Variants in MPDZ observed in about 807,000 individuals in gnomAD.
The protein encoded by MPDZ is multiple PDZ domain protein.
Under a neutral mutation model 239.1 loss-of-function variants are expected in MPDZ, and 234 were observed. The observed-to-expected ratio is 0.98, with a 90% CI of 0.88 to 1.09. The LOEUF (loss-of-function observed/expected upper bound fraction) is 1.09. MPDZ is among the 50% of genes least tolerant of loss of function. The pLI is 0.00. For synonymous variants in MPDZ, 1,048 were observed against 881.3 expected (o/e 1.19, Z -3.35); for missense variants, 3,175 against 2,510.0 (o/e 1.26, Z -5.66).
At chr9:13,256,103 T>C (rs1290730062) in intron 1 of MPDZ, among the ~76,000 whole-genome samples, 1 of 152,262 alleles carries the variant, frequency 6.6e-6, no homozygotes, top group African/African-American at 2.4e-5. Flanking sequence ...TGCACTTTTA[T>C]GTCATACAGA....
At chr9:13,131,960 T>C (rs1443329259) in intron 32 of MPDZ, among the ~76,000 whole-genome samples, 2 of 152,184 alleles carry the variant, frequency 1.3e-5, no homozygotes, top group Non-Finnish European at 2.9e-5. Flanking sequence ...AATTGCCTCT[T>C]CTGTCTAGCT....
At chr9:13,212,530 C>T (rs1192300253) in intron 10 of MPDZ, among the ~76,000 whole-genome samples, 4 of 151,706 alleles carry the variant, frequency 2.6e-5, no homozygotes, top group African/African-American at 7.3e-5. Flanking sequence ...GCCAAAGTCA[C>T]GAAGCCTAAG....
chr9:13,272,150 A>T (rs1015520837), intron 1 of MPDZ, among the ~76,000 whole-genome samples: 2 of 152,110 alleles, frequency 1.3e-5, no homozygotes, highest in Non-Finnish European at 2.9e-5. Context: ...GACTTATACC[A>T]CAATAAAACA....
intron 32 of MPDZ, among the ~76,000 whole-genome samples, chr9:13,129,357 G>A (rs1424399835): frequency 6.6e-6 from 1 of 151,494 alleles, no homozygotes; most frequent in Admixed American, 6.6e-5. Context: ...CAGCTACTCG[G>A]GAGGCTGATG....
At position 13,106,973 on chromosome 9, in the gene MPDZ, G is replaced by A. The variant is rs762562059; in HGVS notation, c.6205C>T (p.Leu2069Phe). The A allele has an allele frequency of 6.9e-5, 112 of 1,613,428 alleles. No homozygotes were observed. Among genetic ancestry groups the A allele is most frequent in the Admixed American group, 1.7e-5 (1 of 59,986 alleles). The change falls in exon 47 of 47, where the codon CTC (leucine) becomes TTC (phenylalanine). Residue 2069 changes from leucine to phenylalanine, a missense_variant. Leu to Phe is a conservative substitution (Grantham distance 22). Coordinates refer to ENST00000319217, the MANE Select transcript of MPDZ (RefSeq NM_001378778.1). ...RTKGTVTLMV[L>F]S Reference sequence around the variant, plus strand: ...CAATTCTGGCAGCCAATTCAAGAGAGAACCATCAAAGTGACAGTGCCTTTT... The same window carrying A: ...CAATTCTGGCAGCCAATTCAAGAGAAAACCATCAAAGTGACAGTGCCTTTT...
Position 13,107,002 on chromosome 9 carries a change from C to T in MPDZ, c.6176G>A (p.Arg2059Gln), listed in dbSNP as rs193280665. Residue 2059 changes from arginine (R) to glutamine (Q), a missense_variant, in exon 47 of 47, where the codon CGG becomes CAG. Coordinates refer to ENST00000319217, the MANE Select transcript of MPDZ (RefSeq NM_001378778.1). The part of the protein sequence containing the change: ...THEEAVAILK[R>Q]TKGTVTLMVL... The stretch of plus-strand genomic sequence containing the variant: ...CATCAAAGTGACAGTGCCTTTTGTC[C>T]GTTTAAGGATGGCAACAGCTTCTTC... The T allele has an allele frequency of 8.6e-4, 1,387 of 1,613,532 alleles. 8 individuals are homozygous for T. The African/African-American group carries it at 0.016, about 19-fold the overall frequency.
Position 13,224,484 on chromosome 9 carries a change from AT to A in MPDZ, c.282del (p.Leu94PhefsTer42). 1 of 1,612,942 alleles carries A rather than the reference AT, an allele frequency of 6.2e-7. No homozygotes were observed. The highest frequency in any genetic ancestry group is 8.5e-7 in the Non-Finnish European group (1 of 1,179,254). On this transcript the variant is annotated frameshift_variant, in exon 4 of 47. Coordinates refer to ENST00000319217, the MANE Select transcript of MPDZ (RefSeq NM_001378778.1). LOFTEE classifies it high-confidence loss of function. ...VIPTLQNESF[L>X]LSPNNGNLEA... ...TCCAGATTCCCATTGTTTGGGGATA[AT>A]AAAAACGATTCATTTTGCAGAGTAG...
chr9:13,247,113 T>C (rs1966740892), intron 3 of MPDZ, among the ~76,000 whole-genome samples: 1 of 152,184 alleles, frequency 6.6e-6, no homozygotes, highest in South Asian at 2.1e-4. Flanking sequence ...TGGAAGCAAT[T>C]GCTACTTACA....
chr9:13,128,566 A>G (rs1945453887), intron 32 of MPDZ, among the ~76,000 whole-genome samples: 1 of 152,236 alleles, frequency 6.6e-6, no homozygotes. Flanking sequence ...CTGTGAGACC[A>G]TAAATGCCTG....
chr9:13,227,559 A>G (rs1961028318), intron 3 of MPDZ, among the ~76,000 whole-genome samples: 1 of 152,170 alleles, frequency 6.6e-6, no homozygotes, highest in Non-Finnish European at 1.5e-5. Context: ...ATGGTAAGCC[A>G]GAATGAACAA....
Position 13,205,999 on chromosome 9 carries a change from A to C in MPDZ, c.1391T>G (p.Met464Arg), listed in dbSNP as rs938325447. 2 of 1,612,308 alleles carry C rather than the reference A, an allele frequency of 1.2e-6. No homozygotes were observed. The highest frequency in any genetic ancestry group is 1.7e-6 in the Non-Finnish European group (2 of 1,179,380). The change falls in exon 11 of 47, where the codon ATG becomes AGG. Residue 464 changes from methionine to arginine, a missense_variant. Transcript: ENST00000319217. ...TGACATGAGCTCGGCTTCCTGCTTC[A>C]TTCCTCTCCTCATTAGTGTCAGGAG... ...TVLLTLMRRG[M>R]KQEAELMSRE... is the part of the protein sequence containing the mutation.
intron 10 of MPDZ, among the ~76,000 whole-genome samples, chr9:13,207,224 A>G (rs909994655): frequency 1.3e-5 from 2 of 152,196 alleles, no homozygotes; most frequent in African/African-American, 4.8e-5. Flanking sequence ...ATGACAAAAC[A>G]TTCAAAAATG....
At chr9:13,254,692 C>T (rs1968990742) in intron 1 of MPDZ, among the ~76,000 whole-genome samples, 1 of 152,118 alleles carries the variant, frequency 6.6e-6, no homozygotes, top group Admixed American at 6.5e-5. Context: ...TCAGTGCGTA[C>T]AAAAGTCATG....
chr9:13,231,326 G>C lies in MPDZ; in HGVS notation c.184-6743C>G, dbSNP rs1478249195. Among the ~76,000 whole-genome samples, 3 of 152,218 alleles carry C rather than the reference G, an allele frequency of 2.0e-5. No individual in the cohort carries two copies. In the East Asian group the frequency reaches 5.8e-4, roughly 29 times the overall value. On this transcript the variant is annotated intron_variant, in intron 3 of 46. Transcript: ENST00000319217. ...CACACCTGTAATCCCAGCACTTTGG[G>C]AGGCCGAGGTGGGTGGACTACTTGA... is the stretch of plus-strand genomic sequence containing the variant.
At chr9:13,199,352 T>G (rs959576474) in intron 12 of MPDZ, among the ~76,000 whole-genome samples, 1 of 152,126 alleles carries the variant, frequency 6.6e-6, no homozygotes, top group African/African-American at 2.4e-5. Context: ...ATGTTGAGTA[T>G]GTATCCTGCA....
chr9:13,206,185 T>G, intron 10 of MPDZ, 86 bp from the exon 11 acceptor site: 1 of 1,249,488 alleles, frequency 8.0e-7, no homozygotes, highest in South Asian at 1.5e-5. Flanking sequence ...TATGTATAGT[T>G]GTTAGTGTGA....
intron 24 of MPDZ, among the ~76,000 whole-genome samples, chr9:13,151,169 CAAG>C (rs1237803834): frequency 6.6e-6 from 1 of 151,846 alleles, no homozygotes; most frequent in Non-Finnish European, 1.5e-5. Context: ...CACAAATTAA[CAAG>C]AATGCAGAGC....
At chr9:13,218,499 G>C (rs1030436112) in intron 8 of MPDZ, among the ~76,000 whole-genome samples, 1 of 151,804 alleles carries the variant, frequency 6.6e-6, no homozygotes, top group Non-Finnish European at 1.5e-5. Context: ...TACCATAAAA[G>C]AATGCCATTT....
At chr9:13,205,857 T>A in intron 11 of MPDZ, 59 bp downstream of exon 11, 2 of 1,421,008 alleles carry the variant, frequency 1.4e-6, no homozygotes, top group Admixed American at 2.6e-5. Context: ...CTTTGGAATT[T>A]AAAAAAAATT....
Sources: gnomAD v4.1 joint callset for allele counts (sites outside exome capture counted in the v4.1 genomes callset) on GRCh38, gnomAD v4.1.1 for gene constraint, MANE v1.5 for transcripts, NCBI Gene and HGNC (gene_info 2026-07-23, HGNC 2026-07-21) for gene names.